BICRAL: variants seen among roughly 807,000 people sequenced by gnomAD.
The protein encoded by BICRAL is BICRA like chromatin remodeling complex associated protein, also known as BRD4-interacting chromatin-remodeling complex-associated protein-like.
Under a neutral mutation model 91.8 loss-of-function variants are expected in BICRAL, and 8 were observed. The observed-to-expected ratio is 0.09, with a 90% CI of 0.05 to 0.16. The LOEUF is 0.16. Among genes scored for constraint, BICRAL ranks in the 10% least tolerant of loss-of-function variants. BICRAL has a pLI of 1.00. For synonymous variants in BICRAL, 445 were observed against 491.1 expected (o/e 0.91, Z 1.24); for missense variants, 1,038 against 1,310.9 (o/e 0.79, Z 3.21).
intron 6 of BICRAL, among the ~76,000 whole-genome samples, chr6:42,849,056 T>G (rs1249524753): frequency 1.3e-5 from 2 of 152,112 alleles, no homozygotes; most frequent in Non-Finnish European, 2.9e-5. Context: ...TGGAATAGTT[T>G]AGGTTCACCC....
At chr6:42,771,348 C>G (rs1762721975) in intron 1 of BICRAL, among the ~76,000 whole-genome samples, 1 of 152,162 alleles carries the variant, frequency 6.6e-6, no homozygotes, top group Non-Finnish European at 1.5e-5. Flanking sequence ...TTACGTGATG[C>G]TTTTTAGCTG....
At chr6:42,804,336 T>A (rs1013994204) in intron 1 of BICRAL, among the ~76,000 whole-genome samples, 3 of 152,134 alleles carry the variant, frequency 2.0e-5, no homozygotes, top group African/African-American at 7.2e-5. Flanking sequence ...ATTATACTCT[T>A]AAGGGACCAT....
intron 1 of BICRAL, among the ~76,000 whole-genome samples, chr6:42,799,731 G>T (rs753097587): frequency 1.5e-3 from 232 of 152,262 alleles, no homozygotes; most frequent in Non-Finnish European, 2.3e-3. Flanking sequence ...GATTTCAGTA[G>T]ATAGAAGTTT....
intron 6 of BICRAL, among the ~76,000 whole-genome samples, chr6:42,851,522 G>A (rs145464177): frequency 2.0e-4 from 30 of 152,152 alleles, no homozygotes; most frequent in African/African-American, 7.2e-4. Context: ...ATTTTGCTCA[G>A]GCTAATATTA....
chr6:42,809,341 A>G (rs1763792076), intron 1 of BICRAL, among the ~76,000 whole-genome samples: 2 of 151,746 alleles, frequency 1.3e-5, no homozygotes, highest in Admixed American at 6.6e-5. Context: ...GAATTAAAGC[A>G]GTTTAAAGAC....
At chr6:42,845,515 C>T (rs1218849371) in intron 6 of BICRAL, among the ~76,000 whole-genome samples, 1 of 151,800 alleles carries the variant, frequency 6.6e-6, no homozygotes, top group Non-Finnish European at 1.5e-5. Context: ...TGTGAATGAG[C>T]CCAAGTCCAG....
At chr6:42,842,526 A>G (rs548619840) in intron 6 of BICRAL, among the ~76,000 whole-genome samples, 1 of 152,252 alleles carries the variant, frequency 6.6e-6, no homozygotes, top group South Asian at 2.1e-4. Context: ...TTTTTCCCAC[A>G]AATAGGCCAG....
At chr6:42,855,316 G>A (rs918840500) in intron 8 of BICRAL, among the ~76,000 whole-genome samples, 14 of 152,174 alleles carry the variant, frequency 9.2e-5, no homozygotes, top group African/African-American at 1.7e-4. Context: ...CAAGGCAGGC[G>A]GATGGCTTGA....
chr6:42,812,707 A>G (rs1015662637), intron 2 of BICRAL, among the ~76,000 whole-genome samples: 3 of 152,142 alleles, frequency 2.0e-5, no homozygotes, highest in African/African-American at 7.2e-5. Flanking sequence ...TATGAATAGA[A>G]GCTATCCTAA....
intron 2 of BICRAL, among the ~76,000 whole-genome samples, chr6:42,815,226 G>C (rs967759842): frequency 1.8e-5 from 2 of 114,036 alleles, no homozygotes; most frequent in Non-Finnish European, 3.4e-5. Flanking sequence ...GTCTCGCTCT[G>C]TTGCCCAGGC....
intron 6 of BICRAL, among the ~76,000 whole-genome samples, chr6:42,831,460 G>C (rs1764474545): frequency 6.6e-6 from 1 of 152,164 alleles, no homozygotes; most frequent in South Asian, 2.1e-4. Flanking sequence ...ATTACTGTGG[G>C]CACTTGGTAA....
intron 1 of BICRAL, among the ~76,000 whole-genome samples, chr6:42,804,981 C>T (rs1379946032): frequency 2.0e-5 from 3 of 152,252 alleles, no homozygotes; most frequent in African/African-American, 4.8e-5. Context: ...GGATTACAGG[C>T]GGGAGCCACT....
rs1241120008 is a variant in BICRAL at position 42,761,192 on chromosome 6, C to T, written c.-261+14169C>T. On this transcript the variant is annotated intron_variant, in intron 1 of 14. Coordinates refer to the BICRAL transcript ENST00000614467. Reference sequence around the variant, plus strand: ...TAGTTGATAGGGCACCGGTGGCTCACGCCTGTAATCCCAGCAGTTTGGGAG... The same window carrying T: ...TAGTTGATAGGGCACCGGTGGCTCATGCCTGTAATCCCAGCAGTTTGGGAG... Among the ~76,000 whole-genome samples, 13 of 152,222 alleles carry T rather than the reference C, an allele frequency of 8.5e-5. 1 individual carries two copies. The highest frequency in any genetic ancestry group is 2.2e-4 in the African/African-American group (9 of 41,458).
Position 42,822,806 on chromosome 6 carries a change from G to A in BICRAL, c.52G>A (p.Ala18Thr), listed in dbSNP as rs1458109588. ...CLLDLIGDPQALNYFLHGPSN... is the reference protein window; with the variant it reads ...CLLDLIGDPQTLNYFLHGPSN... ...TCCTCTCTTTTCTAGAGACCCACAAGCATTGAACTATTTTCTACATGGACC... is the reference window on the plus strand; with the variant it reads ...TCCTCTCTTTTCTAGAGACCCACAAACATTGAACTATTTTCTACATGGACC... Residue 18 changes from alanine to threonine, a missense_variant, in exon 4 of 13, where the codon GCA (alanine) becomes ACA (threonine). This residue lies in a region of BICRAL where 115 missense variants were observed against 121.5 expected (regional missense o/e 0.95). Coordinates refer to ENST00000314073, the MANE Select transcript of BICRAL (RefSeq NM_001393499.1). 1.3e-6 allele frequency: 2 copies of A among 1,549,612 alleles called. No homozygotes were observed. Among genetic ancestry groups the A allele is most frequent in the Non-Finnish European group, 1.8e-6 (2 of 1,122,982 alleles).
rs1294846745 is a variant in BICRAL, at chr6:42,830,149, A to C, written c.1816A>C (p.Thr606Pro). ...CTTCAGTAACACACCTGGAACAGGA[A>C]CCCAGCAACAATTCTTCTGCCAGGT... ...STFSNTPGTG[T>P]QQQFFCQAQK... The change falls in exon 6 of 13, where the codon ACC (threonine) becomes CCC (proline). Residue 606 changes from threonine to proline, a missense_variant. This residue lies in a region of BICRAL where 532 missense variants were observed against 724.9 expected (regional missense o/e 0.73). Transcript: ENST00000314073. 6.2e-7 allele frequency: 1 copy of C among 1,614,034 alleles called. No homozygotes were observed. The highest frequency in any genetic ancestry group is 1.1e-5 in the South Asian group (1 of 91,078).
chr6:42,866,700 A>G lies in BICRAL; in HGVS notation c.*1254A>G. ...TGAGAGCCAAAGGATATGCCCTGTC[A>G]TGGTTTCTGTTTGGCCTGTGTTCAT... On this transcript the variant is annotated 3_prime_UTR_variant, in exon 13 of 13. Transcript: ENST00000314073. The G allele has an allele frequency of 2.4e-6, 1 of 416,064 alleles. No homozygotes were observed. Among genetic ancestry groups the G allele is most frequent in the South Asian group, 1.8e-5 (1 of 56,998 alleles). The allele number at this position is 416,064 out of a possible 1,614,324, so 25.8% of individuals were successfully genotyped here. A position where few individuals can be genotyped will look rare whatever the true frequency, so the allele number is the denominator to read the frequency against.
intron 1 of BICRAL, among the ~76,000 whole-genome samples, chr6:42,750,630 C>CA (rs1294079958): frequency 6.6e-6 from 1 of 152,154 alleles, no homozygotes; most frequent in Non-Finnish European, 1.5e-5. Flanking sequence ...GGCTGGAGTG[C>CA]AATGGCGCGA....
chr6:42,751,303 GGGT>G lies in BICRAL; in HGVS notation c.-261+4281_-261+4283del. Among the ~76,000 whole-genome samples the G allele has an allele frequency of 2.0e-5, 3 of 152,182 alleles. 1 individual carries two copies. The South Asian group carries it at 6.2e-4, about 32-fold the overall frequency. ...GAGCCTTAAATCACTTTCACTGTGTGGGTTCCTTTTTCTCTAAATTGTTTTGTT... is the reference window on the plus strand; with the variant it reads ...GAGCCTTAAATCACTTTCACTGTGTGTCCTTTTTCTCTAAATTGTTTTGTT... On this transcript the variant is annotated intron_variant, in intron 1 of 14. Coordinates refer to the BICRAL transcript ENST00000614467.
chr6:42,864,437 T>A (rs879431910), intron 12 of BICRAL, among the ~76,000 whole-genome samples: 1 of 152,168 alleles, frequency 6.6e-6, no homozygotes, highest in Non-Finnish European at 1.5e-5. Flanking sequence ...TTTCAAAAGG[T>A]TTAAGCTCCC....
Sources: allele counts gnomAD v4.1 joint callset (sites outside exome capture counted in the v4.1 genomes callset), GRCh38; gene constraint gnomAD v4.1.1; regional missense constraint gnomAD v4.1.1; transcripts MANE v1.5; gene names NCBI Gene and HGNC (gene_info 2026-07-23, HGNC 2026-07-21).